Variants in DENND1A observed in about 807,000 individuals in gnomAD.
DENND1A encodes DENN domain-containing protein 1A.
DENND1A carries 51 observed loss-of-function variants against 113.7 expected under a neutral mutation model. That is an observed-to-expected ratio of 0.45 (90% CI 0.36 to 0.57). The LOEUF is 0.57. Ranked by LOEUF, DENND1A falls within the 20% of genes least tolerant of loss-of-function variation. The probability of loss-of-function intolerance (pLI) is 0.00; values close to 1 mark genes in which losing one functional copy is unlikely to be tolerated. For missense variants in DENND1A, 1,258 were observed against 1,395.9 expected, an observed-to-expected ratio of 0.90 and a Z score of 1.57; for synonymous variants, 565 against 570.8, an observed-to-expected ratio of 0.99 and a Z score of 0.14.
At chr9:123,776,865 G>GGAC (rs1830549683) in intron 3 of DENND1A, among the ~76,000 whole-genome samples, 2 of 152,222 alleles carry the variant, frequency 1.3e-5, no homozygotes, top group South Asian at 4.1e-4. Context: ...AAAACGCAAA[G>GGAC]GACAGCTTAG....
At chr9:123,868,118 T>C (rs1846042147) in intron 2 of DENND1A, among the ~76,000 whole-genome samples, 1 of 152,228 alleles carries the variant, frequency 6.6e-6, no homozygotes, top group Non-Finnish European at 1.5e-5. Flanking sequence ...CGGATTTCAC[T>C]GGGTTTCTGT....
At chr9:123,902,474 T>C (rs2133904828) in intron 1 of DENND1A, among the ~76,000 whole-genome samples, 1 of 152,234 alleles carries the variant, frequency 6.6e-6, no homozygotes, top group South Asian at 2.1e-4. Flanking sequence ...CAGCCACAGA[T>C]CTGAGAAGGG....
intron 2 of DENND1A, among the ~76,000 whole-genome samples, chr9:123,814,668 AC>A (rs1438040376): frequency 6.6e-6 from 1 of 152,180 alleles, no homozygotes; most frequent in Non-Finnish European, 1.5e-5. Flanking sequence ...ACTCAAAGAG[AC>A]CTTGGAACAA....
intron 1 of DENND1A, among the ~76,000 whole-genome samples, chr9:123,904,225 C>T (rs1157063010): frequency 6.6e-6 from 1 of 152,074 alleles, no homozygotes; most frequent in Non-Finnish European, 1.5e-5. Flanking sequence ...TGTACATCAC[C>T]ATCATCAAAG....
chr9:123,757,912 C>G, intron 4 of DENND1A, 90 bp from the exon 5 acceptor site: 1 of 1,378,308 alleles, frequency 7.3e-7, no homozygotes, highest in South Asian at 1.3e-5. Context: ...GAACTTATAA[C>G]ATTTCCTCTC....
chr9:123,463,333 G>A (rs1588655702), intron 13 of DENND1A, among the ~76,000 whole-genome samples: 1 of 152,320 alleles, frequency 6.6e-6, no homozygotes, highest in Non-Finnish European at 1.5e-5. Flanking sequence ...TCATTAATAA[G>A]TTGAATCCTT....
intron 13 of DENND1A, among the ~76,000 whole-genome samples, chr9:123,538,620 G>T (rs1349918389): frequency 2.0e-5 from 3 of 151,476 alleles, no homozygotes; most frequent in Admixed American, 1.3e-4. Flanking sequence ...CCAAAGATGG[G>T]AGGGTTTGAG....
intron 11 of DENND1A, among the ~76,000 whole-genome samples, chr9:123,586,692 G>A (rs1406159405): frequency 6.6e-6 from 1 of 152,214 alleles, no homozygotes; most frequent in Non-Finnish European, 1.5e-5. Flanking sequence ...TCGCTGGACA[G>A]TGCCCGGTCC....
At chr9:123,539,004 G>C (rs116855746) in intron 13 of DENND1A, among the ~76,000 whole-genome samples, 3 of 151,358 alleles carry the variant, frequency 2.0e-5, no homozygotes, top group South Asian at 2.1e-4. Flanking sequence ...CTAACACTGA[G>C]TAAATATTAA....
chr9:123,506,036 A>G (rs1369309118), intron 13 of DENND1A, among the ~76,000 whole-genome samples: 1 of 151,830 alleles, frequency 6.6e-6, no homozygotes, highest in African/African-American at 2.4e-5. Flanking sequence ...GCATTCACCA[A>G]ACACCTCCGA....
intron 17 of DENND1A, among the ~76,000 whole-genome samples, chr9:123,451,833 C>T (rs542066825): frequency 6.6e-6 from 1 of 152,308 alleles, no homozygotes; most frequent in Non-Finnish European, 1.5e-5. Flanking sequence ...ATTTGAAGAA[C>T]ATTGAGACCT....
Position 123,381,623 on chromosome 9 carries a change from G to T in DENND1A, c.3022C>A (p.Pro1008Thr), listed in dbSNP as rs780224992. The T allele has an allele frequency of 6.2e-7, 1 of 1,612,386 alleles. No homozygotes were observed. The highest frequency in any genetic ancestry group is 1.1e-5 in the South Asian group (1 of 91,038). Residue 1008 changes from proline to threonine, a missense_variant, in exon 24 of 24, where the codon CCC (proline) becomes ACC (threonine). Pro to Thr is a conservative substitution (Grantham distance 38, BLOSUM62 -1). Around this residue, in one of 2 missense-constraint regions of DENND1A, gnomAD observed 1,159 missense variants for 1,231.7 expected, o/e 0.94. Transcript: ENST00000394215. This position sits in a 1 kb window ranked among gnomAD's most constrained non-coding sequence, Gnocchi z 4.7. ...KQGLALRPGD[P>T]PLLPPRPPQG... ...GGGGGCCTGGGAGGCAGAAGCGGGG[G>T]GTCTCCAGGCCTCAGGGCCAGCCCC... is the stretch of plus-strand genomic sequence containing the variant.
intron 13 of DENND1A, among the ~76,000 whole-genome samples, chr9:123,550,635 C>A (rs1452981999): frequency 6.6e-6 from 1 of 152,186 alleles, no homozygotes; most frequent in African/African-American, 2.4e-5. Flanking sequence ...TGCAAAAGTT[C>A]TTTAAAACTG....
chr9:123,420,967 C>T (rs1314554698), intron 19 of DENND1A, among the ~76,000 whole-genome samples: 2 of 151,110 alleles, frequency 1.3e-5, no homozygotes, highest in South Asian at 4.2e-4. Flanking sequence ...GGCCGGAGGT[C>T]GGGCACCAGA....
At chr9:123,690,391 A>C (rs1446798581) in intron 5 of DENND1A, among the ~76,000 whole-genome samples, 1 of 152,228 alleles carries the variant, frequency 6.6e-6, no homozygotes, top group Non-Finnish European at 1.5e-5. Flanking sequence ...ACTGTTATTC[A>C]TAATTGAAAA....
At chr9:123,629,471 C>T (rs1340545909) in intron 10 of DENND1A, among the ~76,000 whole-genome samples, 1 of 152,184 alleles carries the variant, frequency 6.6e-6, no homozygotes, top group East Asian at 1.9e-4. Flanking sequence ...ATAGTGAGGA[C>T]GATGATGTGT....
At chr9:123,746,911 A>C (rs752058569) in intron 5 of DENND1A, among the ~76,000 whole-genome samples, 1 of 152,172 alleles carries the variant, frequency 6.6e-6, no homozygotes, top group Non-Finnish European at 1.5e-5. Flanking sequence ...AATTTTCTCC[A>C]AAGTTGGTAT....
intron 10 of DENND1A, among the ~76,000 whole-genome samples, chr9:123,628,534 G>A (rs1000204750): frequency 1.2e-4 from 19 of 152,094 alleles, no homozygotes; most frequent in African/African-American, 4.6e-4. Context: ...GGGCCCAGGG[G>A]TTTGAAAACA....
chr9:123,485,617 A>ACCGTGTGTGTGTGCGCGC (rs1554837263), intron 13 of DENND1A: 16 of 148,486 alleles, frequency 1.1e-4, no homozygotes, highest in Non-Finnish European at 1.8e-4. Flanking sequence ...ACCAGGGGAC[A>ACCGTGTGTGTGTGCGCGC]CCGTGTGTGT....
Sources: allele counts gnomAD v4.1 joint callset (sites outside exome capture counted in the v4.1 genomes callset), GRCh38; gene constraint gnomAD v4.1.1; regional missense constraint gnomAD v4.1.1; non-coding constraint Gnocchi (gnomAD v3.1); transcripts MANE v1.5; gene names NCBI Gene and HGNC (gene_info 2026-07-23, HGNC 2026-07-21).